Variants in PCDHGA3 observed in about 807,000 individuals in gnomAD.
PCDHGA3 encodes the protein protocadherin gamma subfamily A, 3.
Under a neutral mutation model 58.5 loss-of-function variants are expected in PCDHGA3, and 40 were observed. The ratio of observed to expected loss-of-function variants is 0.68; its 90% CI spans 0.53 to 0.89. The LOEUF is 0.89. Ranked by LOEUF, PCDHGA3 falls within the 40% of genes least tolerant of loss-of-function variation. The pLI, the probability that PCDHGA3 is intolerant of heterozygous loss-of-function variation, is 0.00. For missense variants in PCDHGA3, 1,223 were observed against 1,195.9 expected (o/e 1.02, Z -0.33); for synonymous variants, 530 against 525.7 (o/e 1.01, Z -0.11).
chr5:141,475,343 G>C (rs1425482944), intron 1 of PCDHGA3, among the ~76,000 whole-genome samples: 3 of 152,178 alleles, frequency 2.0e-5, no homozygotes, highest in Non-Finnish European at 2.9e-5. Context: ...ATGACATCCA[G>C]TTTTAAAAGA....
Position 141,346,105 on chromosome 5 carries a change from T to G in PCDHGA3, c.2072T>G (p.Leu691Arg). Residue 691 changes from leucine (L) to arginine (R), a missense_variant, in exon 1 of 4, where the codon CTG (leucine) becomes CGG (arginine). By Grantham distance (102) the Leu-to-Arg change is moderately radical. Coordinates refer to ENST00000253812, the MANE Select transcript of PCDHGA3 (RefSeq NM_018916.4). Reference protein sequence around the residue: ...SAKPNDSDLTLYLVVAVAAVS... With the variant: ...SAKPNDSDLTRYLVVAVAAVS... ...AAACCCAACGATTCGGACCTCACTC[T>G]GTACCTGGTGGTGGCGGTGGCCGCG... is the stretch of plus-strand genomic sequence containing the variant. 2.5e-6 allele frequency: 4 copies of G among 1,613,882 alleles called. No individual in the cohort carries two copies. Among genetic ancestry groups the G allele is most frequent in the Non-Finnish European group, 3.4e-6 (4 of 1,179,870 alleles).
At chr5:141,457,230 A>G (rs1248092452) in intron 1 of PCDHGA3, among the ~76,000 whole-genome samples, 2 of 152,174 alleles carry the variant, frequency 1.3e-5, no homozygotes, top group African/African-American at 4.8e-5. Flanking sequence ...GGTAATTTCC[A>G]TCTAAAATTT....
At chr5:141,366,750 A>T (rs530762959) in intron 1 of PCDHGA3, 92 of 1,607,760 alleles carry the variant, frequency 5.7e-5, no homozygotes, top group Non-Finnish European at 7.1e-5. Flanking sequence ...CGGCGAGTTC[A>T]GGTTAGTTTT....
intron 1 of PCDHGA3, chr5:141,410,291 G>A: frequency 1.2e-6 from 2 of 1,613,948 alleles, no homozygotes; most frequent in Non-Finnish European, 1.7e-6. Flanking sequence ...GGTGGCCTTG[G>A]CCTTAATCTC....
chr5:141,418,069 G>T, intron 1 of PCDHGA3: 4 of 1,614,042 alleles, frequency 2.5e-6, no homozygotes, highest in South Asian at 2.2e-5. Flanking sequence ...GAGTGAGCGC[G>T]GAGAAGCTGC....
intron 1 of PCDHGA3, chr5:141,388,607 G>A (rs943233962): frequency 6.2e-7 from 1 of 1,613,904 alleles, no homozygotes; most frequent in Non-Finnish European, 8.5e-7. Context: ...ATGCTCCAGT[G>A]TTCAGTCAAG....
chr5:141,486,399 C>G lies in PCDHGA3; in HGVS notation c.2425-8408C>G. On this transcript the variant is annotated intron_variant, in intron 1 of 3. Transcript: ENST00000253812. The surrounding 1 kb of genome is among the most constrained non-coding windows in gnomAD (Gnocchi z 5.0). ...TTCAGGAACCAGTTCTCCCTGGTGA[C>G]TGCTGGACCCTTGGATCGAGAGGCC... The G allele has an allele frequency of 6.2e-7, 1 of 1,614,188 alleles. No individual in the cohort carries two copies. The highest frequency in any genetic ancestry group is 1.1e-5 in the South Asian group (1 of 91,090).
At chr5:141,441,655 C>A in intron 1 of PCDHGA3, 1 of 247,430 alleles carries the variant, frequency 4.0e-6, no homozygotes. Context: ...TTCTAGGTGT[C>A]CTTGAGCGCA....
At chr5:141,403,574 C>A (rs1441332710) in intron 1 of PCDHGA3, 1 of 1,613,960 alleles carries the variant, frequency 6.2e-7, no homozygotes, top group Admixed American at 1.7e-5. Flanking sequence ...GGCAACTGCC[C>A]ACCACCTGGT....
Position 141,491,000 on chromosome 5 carries a change from C to T in PCDHGA3, c.2425-3807C>T. 6.2e-7 allele frequency: 1 copy of T among 1,614,142 alleles called. No homozygotes were observed. The highest frequency in any genetic ancestry group is 1.1e-5 in the South Asian group (1 of 91,086). On this transcript the variant is annotated intron_variant, in intron 1 of 3. Transcript: ENST00000253812. The surrounding 1 kb of genome is among the most constrained non-coding windows in gnomAD (Gnocchi z 5.4). ...CTCCCTCGCTCTGCTCCTCCTGGCTCCTTGGTCACCAAGGTGACAGCCGTG... is the reference window on the plus strand; with the variant it reads ...CTCCCTCGCTCTGCTCCTCCTGGCTTCTTGGTCACCAAGGTGACAGCCGTG...
intron 1 of PCDHGA3, chr5:141,352,172 C>T (rs777128757): frequency 1.2e-6 from 2 of 1,613,514 alleles, no homozygotes; most frequent in African/African-American, 1.3e-5. Flanking sequence ...CCGCCAGCGC[C>T]TGCTGGTCGC....
rs1032814206 is a variant in PCDHGA3, at chr5:141,472,764, T to A, written c.2425-22043T>A. Among the ~76,000 whole-genome samples, 12 of 152,040 alleles carry A rather than the reference T, an allele frequency of 7.9e-5. No individual in the cohort carries two copies. The East Asian group carries it at 2.1e-3, about 27-fold the overall frequency. ...ACTTTGGGAGGCGGAGGCTGGCAGATCACCTGAGGTTGGGAGTTCAAGATC... is the reference window on the plus strand; with the variant it reads ...ACTTTGGGAGGCGGAGGCTGGCAGAACACCTGAGGTTGGGAGTTCAAGATC... On this transcript the variant is annotated intron_variant, in intron 1 of 3. Coordinates refer to ENST00000253812, the MANE Select transcript of PCDHGA3 (RefSeq NM_018916.4).
At chr5:141,350,525 C>G in intron 1 of PCDHGA3, 2 of 1,613,934 alleles carry the variant, frequency 1.2e-6, no homozygotes, top group East Asian at 4.5e-5. Context: ...TAGGATAGAT[C>G]GAGAGAAGAT....
At chr5:141,478,396 G>GT in intron 1 of PCDHGA3, 1 of 1,613,564 alleles carries the variant, frequency 6.2e-7, no homozygotes, top group Non-Finnish European at 8.5e-7. Flanking sequence ...ACCATCAGGT[G>GT]TATCTCACCA....
At chr5:141,447,797 T>C (rs536848880) in intron 1 of PCDHGA3, among the ~76,000 whole-genome samples, 16 of 152,022 alleles carry the variant, frequency 1.1e-4, no homozygotes, top group Admixed American at 7.9e-4. Context: ...TTTAAGAAAA[T>C]AAAATTGGCT....
chr5:141,405,261 T>TC, intron 1 of PCDHGA3: 1 of 1,613,852 alleles, frequency 6.2e-7, no homozygotes. Context: ...CACCTGATCT[T>TC]CCCCCAGCCC....
intron 1 of PCDHGA3, chr5:141,366,387 A>T: frequency 6.2e-7 from 1 of 1,614,088 alleles, no homozygotes. Flanking sequence ...GACCCTGAGG[A>T]TCTGGACCTC....
In PCDHGA3 at chr5:141,346,368, C is replaced by G. The variant is rs1318566954; in HGVS notation, c.2335C>G (p.Leu779Val). The G allele has an allele frequency of 6.2e-7, 1 of 1,614,254 alleles. No homozygotes were observed. Among genetic ancestry groups the G allele is most frequent in the Non-Finnish European group, 8.5e-7 (1 of 1,180,048 alleles). ...IFPQPNYADT[L>V]ISQESCEKSE... ...CCCCCAGCCCAACTATGCGGACACG[C>G]TCATCAGCCAGGAGAGCTGTGAGAA... The change falls in exon 1 of 4, where the codon CTC becomes GTC. Residue 779 changes from leucine to valine, a missense_variant. Leu to Val is a conservative substitution (Grantham distance 32, BLOSUM62 1). Around this residue, in one of 3 missense-constraint regions of PCDHGA3, gnomAD observed 325 missense variants for 327.5 expected, o/e 0.99. Coordinates refer to ENST00000253812, the MANE Select transcript of PCDHGA3 (RefSeq NM_018916.4).
At chr5:141,407,978 A>T (rs1354199341) in intron 1 of PCDHGA3, 8 of 743,974 alleles carry the variant, frequency 1.1e-5, no homozygotes, top group Non-Finnish European at 1.4e-5. Flanking sequence ...GACGCCGGGG[A>T]TCCGTCAGCC....
Sources: gnomAD v4.1 joint callset for allele counts (sites outside exome capture counted in the v4.1 genomes callset) on GRCh38, gnomAD v4.1.1 for gene constraint, gnomAD v4.1.1 regional missense constraint, Gnocchi (gnomAD v3.1) non-coding constraint, MANE v1.5 for transcripts, NCBI Gene and HGNC (gene_info 2026-07-23, HGNC 2026-07-21) for gene names.